The following GTPBP6 variants were observed in gnomAD, a reference collection of about 807,000 sequenced individuals.
The protein encoded by GTPBP6 is GTP binding protein 6.
Under a neutral mutation model 28.9 loss-of-function variants are expected in GTPBP6, and 33 were observed. That is an observed-to-expected ratio of 1.14 (90% CI 0.87 to 1.53). GTPBP6 has a LOEUF of 1.53. GTPBP6 is among the 40% of genes most tolerant of loss of function. The pLI is 0.00. For synonymous variants in GTPBP6, 231 were observed against 192.7 expected (o/e 1.20, Z -1.65); for missense variants, 507 against 408.3 (o/e 1.24, Z -2.08).
At position 314,530 on chromosome X, in the gene GTPBP6, T is replaced by G. The variant is rs772514455; in HGVS notation, c.690-313A>C. Among the ~76,000 whole-genome samples, 44 of 151,402 alleles carry G rather than the reference T, an allele frequency of 2.9e-4. No individual in the cohort carries two copies. The East Asian group carries it at 3.9e-3, about 13-fold the overall frequency. On this transcript the variant is annotated intron_variant, in intron 4 of 9. Transcript: ENST00000326153. ...CTCTGTCACCCAGGCTGGAGTGCAG[T>G]GGCGTGATCTCGGCTCACTGCAAGC...
intron 2 of GTPBP6, 70 bp from the exon 3 acceptor site, chrX:315,369 T>C (rs1461603459): frequency 5.0e-6 from 2 of 398,398 alleles, no homozygotes; most frequent in Non-Finnish European, 8.8e-6. Flanking sequence ...GAGCCCACCA[T>C]ACCCTTTGTG....
chrX:305,324 G>GTA (rs1556027589), intron 9 of GTPBP6, 127 bp from the exon 10 acceptor site: 1 of 527,150 alleles, frequency 1.9e-6, no homozygotes, highest in Non-Finnish European at 3.3e-6. Context: ...GTTTCCTTTT[G>GTA]TTTTTTTTTT....
At chrX:315,143 T>TC (rs1372914416) in intron 3 of GTPBP6, 86 bp downstream of exon 3, 2 of 396,198 alleles carry the variant, frequency 5.0e-6, no homozygotes, top group African/African-American at 4.1e-5. Flanking sequence ...TCCCCATCTG[T>TC]CCCCCGCCTG....
chrX:312,938 G>A lies in GTPBP6; in HGVS notation c.758-14C>T, dbSNP rs765351875. The A allele has an allele frequency of 1.6e-4, 254 of 1,605,540 alleles. No individual in the cohort carries two copies. Among genetic ancestry groups the A allele is most frequent in the Non-Finnish European group, 1.8e-4 (215 of 1,174,834 alleles). On this transcript the variant is annotated splice_polypyrimidine_tract_variant and intron_variant, in intron 5 of 9. Transcript: ENST00000326153. ...TGAAGGATTCTCCTAAAAGACACCC[G>A]AGATGGTGAGGCGGTGAGCCACGCC...
chrX:309,474 A>G (rs1192662803), intron 7 of GTPBP6, among the ~76,000 whole-genome samples: 5 of 65,898 alleles, frequency 7.6e-5, no homozygotes, highest in East Asian at 7.5e-4. Flanking sequence ...GACAGAAAGA[A>G]AGAGATGTGG....
intron 6 of GTPBP6, chrX:311,993 A>G: frequency 1.9e-6 from 1 of 528,288 alleles, no homozygotes; most frequent in Non-Finnish European, 3.5e-6. Context: ...TGGTGTAGAC[A>G]CAGGGGAGGT....
rs1447408588 is a variant in GTPBP6 at position 315,539 on chromosome X, C to A, written c.488-240G>T. 4.2e-5 allele frequency among the ~76,000 whole-genome samples: 5 copies of A among 119,984 alleles called. 1 individual carries two copies. Among genetic ancestry groups the A allele is most frequent in the African/African-American group, 2.1e-4 (5 of 24,352 alleles). The allele number at this position is 119,984 out of a possible 152,430, so 78.7% of individuals were successfully genotyped here. On this transcript the variant is annotated intron_variant, in intron 2 of 9. Coordinates refer to ENST00000326153, the Ensembl canonical transcript of GTPBP6. ...GAACACATCCCGGCAGGGACACAAA[C>A]ACATACACACGCAGACACACACACA... is the stretch of plus-strand genomic sequence containing the variant.
chrX:305,353 A>G (rs746899010), intron 9 of GTPBP6, among the ~76,000 whole-genome samples, 156 bp from the exon 10 acceptor site: 1,982 of 138,754 alleles, frequency 0.014, 36 homozygotes, highest in African/African-American at 0.049. Flanking sequence ...ACGGAGTCTC[A>G]CTCTGTCGCG....
intron 6 of GTPBP6, chrX:311,937 G>A (rs1182010377): frequency 4.2e-5 from 24 of 578,102 alleles, no homozygotes; most frequent in Non-Finnish European, 6.6e-5. Context: ...GGCGTAGATG[G>A]TGGGATGGTG....
exon 6 of GTPBP6, chrX:312,858 A>G: frequency 1.2e-6 from 2 of 1,612,840 alleles, no homozygotes; most frequent in Non-Finnish European, 1.7e-6. Context: ...AAGCCTGTCC[A>G]AGGCCTTCCT....
At chrX:314,652 A>C (rs7188974) in intron 4 of GTPBP6, among the ~76,000 whole-genome samples, 2 of 151,462 alleles carry the variant, frequency 1.3e-5, no homozygotes, top group East Asian at 2.0e-4. Context: ...TTTTTCTTGT[A>C]TTTTTAGTAC....
At chrX:313,086 T>C (rs940240854) in intron 5 of GTPBP6, among the ~76,000 whole-genome samples, 162 bp from the exon 6 acceptor site, 3 of 152,164 alleles carry the variant, frequency 2.0e-5, no homozygotes, top group Admixed American at 2.0e-4. Flanking sequence ...TCCTGTTCCA[T>C]GAGAAAGGGC....
At chrX:317,659 G>A (rs1465612645) in intron 1 of GTPBP6, among the ~76,000 whole-genome samples, 1 of 150,274 alleles carries the variant, frequency 6.7e-6, no homozygotes, top group African/African-American at 2.5e-5. Context: ...CAAGAGAAAC[G>A]TAGGTCCCAT....
intron 7 of GTPBP6, among the ~76,000 whole-genome samples, chrX:309,466 C>T (rs1399997001): frequency 7.6e-6 from 1 of 131,106 alleles, no homozygotes; most frequent in Non-Finnish European, 1.7e-5. Flanking sequence ...ATGTTTACGA[C>T]AGAAAGAAAG....
intron 4 of GTPBP6, among the ~76,000 whole-genome samples, chrX:314,666 C>CGG (rs1250989216): frequency 6.6e-6 from 1 of 151,978 alleles, no homozygotes; most frequent in Non-Finnish European, 1.5e-5. Context: ...TTAGTACAGA[C>CGG]GGGGTTTCAC....
intron 5 of GTPBP6, among the ~76,000 whole-genome samples, chrX:313,732 C>G (rs9646386): frequency 2.0e-5 from 3 of 151,034 alleles, no homozygotes; most frequent in East Asian, 2.0e-4. Flanking sequence ...ACTGGAGTGA[C>G]GCGGCCACAA....
chrX:305,632 ATTTTTTT>A (rs61699986), intron 9 of GTPBP6, among the ~76,000 whole-genome samples: 2 of 122,408 alleles, frequency 1.6e-5, no homozygotes, highest in African/African-American at 6.2e-5. Context: ...TTTATTTTTT[ATTTTTTT>A]TTTTGAGACA....
At position 307,522 on chromosome X, in the gene GTPBP6, T is replaced by C. The variant is rs761097843; in HGVS notation, c.1275-10A>G. 14 of 1,609,862 alleles carry C rather than the reference T, an allele frequency of 8.7e-6. No individual in the cohort carries two copies. In the Admixed American group the frequency reaches 1.7e-4, roughly 19 times the overall value. On this transcript the variant is annotated splice_polypyrimidine_tract_variant and intron_variant, in intron 8 of 9. Transcript: ENST00000326153. Reference sequence around the variant, plus strand: ...TTCCGTGGGGCTGTACCTGCAAGGGTGGGGATGTCACAGGCCCCGCTCAGC... The same window carrying C: ...TTCCGTGGGGCTGTACCTGCAAGGGCGGGGATGTCACAGGCCCCGCTCAGC...
At position 307,351 on chromosome X, in the gene GTPBP6, G is replaced by A; in HGVS notation, c.1427+9C>T. On this transcript the variant is annotated intron_variant, in intron 9 of 9. Coordinates refer to ENST00000326153, the Ensembl canonical transcript of GTPBP6. ...ACCATCCCGTCTCCTGCCCCTGCAG[G>A]CCGCTCACCTGAGCTGCGCCCCTGC... The A allele has an allele frequency of 6.2e-7, 1 of 1,611,124 alleles. No homozygotes were observed. Among genetic ancestry groups the A allele is most frequent in the Non-Finnish European group, 8.5e-7 (1 of 1,179,354 alleles).
Sources: allele counts gnomAD v4.1 joint callset (sites outside exome capture counted in the v4.1 genomes callset), GRCh38; gene constraint gnomAD v4.1.1; transcripts MANE v1.5; gene names NCBI Gene and HGNC (gene_info 2026-07-23, HGNC 2026-07-21).